Variants in PDCD11 observed in about 807,000 individuals in gnomAD.
PDCD11 encodes programmed cell death 11.
In PDCD11, 97 loss-of-function variants were observed where a neutral mutation model predicts 198.9. The ratio of observed to expected loss-of-function variants is 0.49; its 90% CI spans 0.41 to 0.58. The LOEUF is 0.58. Ranked by LOEUF, PDCD11 falls within the 20% of genes least tolerant of loss-of-function variation. The probability of loss-of-function intolerance (pLI) is 0.00; values close to 1 mark genes in which losing one functional copy is unlikely to be tolerated. For missense variants in PDCD11, 2,102 were observed against 2,312.7 expected (o/e 0.91, Z 1.87); for synonymous variants, 893 against 918.0 (o/e 0.97, Z 0.49).
chr10:103,401,559 G>A (rs1031915523), intron 3 of PDCD11, among the ~76,000 whole-genome samples: 5 of 152,134 alleles, frequency 3.3e-5, no homozygotes, highest in South Asian at 2.1e-4. Context: ...GTGAGCCACC[G>A]CGGCCAGCCT....
chr10:103,404,396 T>G (rs2030312204), intron 4 of PDCD11, among the ~76,000 whole-genome samples: 1 of 151,824 alleles, frequency 6.6e-6, no homozygotes, highest in African/African-American at 2.4e-5. Context: ...GCTCCCAGAT[T>G]CAAGCAATTC....
Position 103,423,526 on chromosome 10 carries a change from G to A in PDCD11, c.2648-17G>A. On this transcript the variant is annotated splice_polypyrimidine_tract_variant and intron_variant, in intron 18 of 35. Coordinates refer to ENST00000369797, the MANE Select transcript of PDCD11 (RefSeq NM_014976.2). Reference sequence around the variant, plus strand: ...TCTGTTCCAGAAGGATAATCACACTGTGGTTCTGCACTGCAGGGCAGGAGG... The same window carrying A: ...TCTGTTCCAGAAGGATAATCACACTATGGTTCTGCACTGCAGGGCAGGAGG... 1.3e-6 allele frequency: 2 copies of A among 1,544,150 alleles called. No individual in the cohort carries two copies. Among genetic ancestry groups the A allele is most frequent in the Non-Finnish European group, 9.0e-7 (1 of 1,116,308 alleles).
intron 9 of PDCD11, 49 bp from the exon 10 acceptor site, chr10:103,413,917 C>T: frequency 1.3e-6 from 2 of 1,551,510 alleles, no homozygotes; most frequent in Non-Finnish European, 1.7e-6. Context: ...GTCTCATTGG[C>T]TCAGACCTGT....
At chr10:103,397,113 T>C (rs1592105591) in intron 1 of PDCD11, among the ~76,000 whole-genome samples, 1 of 152,298 alleles carries the variant, frequency 6.6e-6, no homozygotes, top group East Asian at 1.9e-4. Context: ...TAGAGTCTTA[T>C]TACCAAGTGT....
At chr10:103,442,917 G>C (rs2032451051) in intron 32 of PDCD11, among the ~76,000 whole-genome samples, 1 of 152,200 alleles carries the variant, frequency 6.6e-6, no homozygotes, top group African/African-American at 2.4e-5. Flanking sequence ...TTGGGATCTG[G>C]TGGGCATCCT....
In PDCD11 at chr10:103,445,797, A is replaced by T; in HGVS notation, c.*248A>T. On this transcript the variant is annotated 3_prime_UTR_variant, in exon 36 of 36. Transcript: ENST00000369797. ...CTGAGGCTACCTGGGGATTGTGGGC[A>T]GCAGGCCCCTGGACTCCCAGAAATG... 1 of 441,638 alleles carries T rather than the reference A, an allele frequency of 2.3e-6. No individual in the cohort carries two copies. The highest frequency in any genetic ancestry group is 6.4e-4 in the Middle Eastern group (1 of 1,572). The allele number at this position is 441,638 out of a possible 1,614,324, so 27.4% of individuals were successfully genotyped here. A position where few individuals can be genotyped will look rare whatever the true frequency, so the allele number is the denominator to read the frequency against.
chr10:103,419,414 T>TA, intron 15 of PDCD11, 124 bp from the exon 16 acceptor site: 2 of 1,079,586 alleles, frequency 1.9e-6, no homozygotes, highest in Non-Finnish European at 2.7e-6. Flanking sequence ...TCTGCACACT[T>TA]AGAGAATCGC....
intron 14 of PDCD11, 62 bp from the exon 15 acceptor site, chr10:103,418,378 C>A: frequency 7.2e-7 from 1 of 1,388,428 alleles, no homozygotes; most frequent in Non-Finnish European, 1.0e-6. Flanking sequence ...CCTGCCTAAT[C>A]CAGACCAGGT....
At chr10:103,397,494 G>C (rs1008878721) in intron 1 of PDCD11, among the ~76,000 whole-genome samples, 4 of 152,212 alleles carry the variant, frequency 2.6e-5, no homozygotes, top group African/African-American at 9.6e-5. Flanking sequence ...GGAGTGCGGC[G>C]GCATGATCTC....
intron 25 of PDCD11, among the ~76,000 whole-genome samples, chr10:103,436,223 C>T (rs1042685219): frequency 1.3e-5 from 2 of 152,052 alleles, no homozygotes; most frequent in Non-Finnish European, 2.9e-5. Context: ...GCCTCAGCCA[C>T]CCAAGTACCT....
In PDCD11 at chr10:103,445,503, A is replaced by T; in HGVS notation, c.5570A>T (p.Lys1857Met). ...AAGGATGTGCAGGCAGTCAAGGCCA[A>T]GGCCCTGGAGTATGTGGAGGCCAAG... Reference protein sequence around the residue: ...TEKDVQAVKAKALEYVEAKSS... With the variant: ...TEKDVQAVKAMALEYVEAKSS... The change falls in exon 36 of 36, where the codon AAG becomes ATG. Residue 1857 changes from lysine (K) to methionine (M), a missense_variant. Physicochemically the swap from Lys to Met is moderately conservative, Grantham distance 95. Transcript: ENST00000369797. The T allele has an allele frequency of 6.2e-7, 1 of 1,614,142 alleles. No homozygotes were observed. Among genetic ancestry groups the T allele is most frequent in the Non-Finnish European group, 8.5e-7 (1 of 1,180,034 alleles).
intron 18 of PDCD11, among the ~76,000 whole-genome samples, 157 bp downstream of exon 18, chr10:103,423,294 A>G (rs1486917108): frequency 6.6e-6 from 1 of 152,246 alleles, no homozygotes; most frequent in African/African-American, 2.4e-5. Context: ...AGGCTTAGGT[A>G]TGAATCCTTT....
Position 103,442,432 on chromosome 10 carries a change from G to A in PDCD11, c.4927G>A (p.Glu1643Lys). 1 of 1,614,098 alleles carries A rather than the reference G, an allele frequency of 6.2e-7. No individual in the cohort carries two copies. The highest frequency in any genetic ancestry group is 1.7e-5 in the Admixed American group (1 of 60,032). Reference protein sequence around the residue: ...TEIEKARAVAERALKTISFRE... With the variant: ...TEIEKARAVAKRALKTISFRE... Reference sequence around the variant, plus strand: ...GATCGAGAAGGCCCGTGCCGTGGCTGAGAGGGCCCTTAAGACCATCTCCTT... The same window carrying A: ...GATCGAGAAGGCCCGTGCCGTGGCTAAGAGGGCCCTTAAGACCATCTCCTT... The change falls in exon 32 of 36, where the codon GAG (glutamate) becomes AAG (lysine). Residue 1643 changes from glutamate to lysine, a missense_variant. Physicochemically the swap from Glu to Lys is moderately conservative, Grantham distance 56. Coordinates refer to ENST00000369797, the MANE Select transcript of PDCD11 (RefSeq NM_014976.2).
Position 103,425,210 on chromosome 10 carries a change from C to T in PDCD11, c.2990C>T (p.Pro997Leu), listed in dbSNP as rs146163208. The T allele has an allele frequency of 9.3e-6, 15 of 1,614,062 alleles. No individual in the cohort carries two copies. The highest frequency in any genetic ancestry group is 3.3e-5 in the Admixed American group (2 of 60,008). ...VTGLLLAVEG[P>L]AAKRTMRPTQ... Reference sequence around the variant, plus strand: ...GGCCTTCTTTTGGCTGTGGAGGGGCCGGCTGCCAAGAGGACCATGAGGCCG... The same window carrying T: ...GGCCTTCTTTTGGCTGTGGAGGGGCTGGCTGCCAAGAGGACCATGAGGCCG... The change falls in exon 20 of 36, where the codon CCG becomes CTG. Residue 997 changes from proline (P) to leucine (L), a missense_variant. Coordinates refer to ENST00000369797, the MANE Select transcript of PDCD11 (RefSeq NM_014976.2).
In PDCD11 at chr10:103,406,603, T is replaced by C. The variant is rs767501249; in HGVS notation, c.689-6T>C. 1 of 1,613,338 alleles carries C rather than the reference T, an allele frequency of 6.2e-7. No homozygotes were observed. Among genetic ancestry groups the C allele is most frequent in the Non-Finnish European group, 8.5e-7 (1 of 1,179,704 alleles). On this transcript the variant is annotated splice_region_variant and splice_polypyrimidine_tract_variant and intron_variant, in intron 6 of 35. Coordinates refer to ENST00000369797, the MANE Select transcript of PDCD11 (RefSeq NM_014976.2). ...TTCCTTTTGGGGCCTGGGTCTGGGC[T>C]TACAGGTGCTAAACTAAAGGTGGGT...
At chr10:103,422,301 G>A (rs1163106954) in intron 17 of PDCD11, among the ~76,000 whole-genome samples, 2 of 151,506 alleles carry the variant, frequency 1.3e-5, no homozygotes, top group Non-Finnish European at 2.9e-5. Context: ...GGCTGGTCTC[G>A]AACTCCTGAC....
chr10:103,414,196 T>C (rs745946915), intron 10 of PDCD11, 74 bp from the exon 11 acceptor site: 2 of 1,579,138 alleles, frequency 1.3e-6, no homozygotes, highest in African/African-American at 2.7e-5. Context: ...CTTGCCAGCA[T>C]GCCTGTGGTA....
At chr10:103,429,637 T>C (rs2031842883) in intron 21 of PDCD11, among the ~76,000 whole-genome samples, 1 of 152,138 alleles carries the variant, frequency 6.6e-6, no homozygotes, top group Admixed American at 6.5e-5. Flanking sequence ...TACTGTAATT[T>C]TTAAAATTAC....
In PDCD11 at chr10:103,440,187, G is replaced by A. The variant is rs542794314; in HGVS notation, c.4149-103G>A. On this transcript the variant is annotated intron_variant, in intron 28 of 35. Coordinates refer to ENST00000369797, the MANE Select transcript of PDCD11 (RefSeq NM_014976.2). ...AGGACTCCCAAGGCAGATGGGGGCA[G>A]GGCCCAGAATCGTGGGCTGATCAGG... 6.1e-6 allele frequency: 9 copies of A among 1,485,826 alleles called. No homozygotes were observed. In the East Asian group the frequency reaches 2.0e-4, roughly 34 times the overall value. 92.0% of individuals were successfully genotyped at this position (1,485,826 alleles called of 1,614,324 possible).
Sources: allele counts gnomAD v4.1 joint callset (sites outside exome capture counted in the v4.1 genomes callset), GRCh38; gene constraint gnomAD v4.1.1; transcripts MANE v1.5; gene names NCBI Gene and HGNC (gene_info 2026-07-23, HGNC 2026-07-21).